HABP2: variants seen among roughly 807,000 people sequenced by gnomAD.
HABP2 encodes factor VII-activating protease.
Under a neutral mutation model 66.5 loss-of-function variants are expected in HABP2, and 65 were observed. The observed-to-expected ratio is 0.98, with a 90% CI of 0.80 to 1.20. The LOEUF (loss-of-function observed/expected upper bound fraction) is 1.20. HABP2 is among the 50% of genes most tolerant of loss of function. The pLI is 0.00. For missense variants in HABP2, 786 were observed against 691.0 expected, an observed-to-expected ratio of 1.14 and a Z score of -1.54; for synonymous variants, 263 against 253.9, an observed-to-expected ratio of 1.04 and a Z score of -0.34.
rs530176188 is a variant in HABP2 at position 113,588,374 on chromosome 10, C to A, written c.*5C>A. On this transcript the variant is annotated 3_prime_UTR_variant, in exon 13 of 13. Coordinates refer to ENST00000351270, the MANE Select transcript of HABP2 (RefSeq NM_004132.5). ...AAAAGTGAAAGTGGCTTCTAAGGTA[C>A]TGTCTTCTGGACCTCAGAGCCCACT... 1 of 1,608,384 alleles carries A rather than the reference C, an allele frequency of 6.2e-7. No homozygotes were observed. The highest frequency in any genetic ancestry group is 1.1e-5 in the South Asian group (1 of 89,904).
At chr10:113,561,147 G>A (rs1490469837) in intron 1 of HABP2, among the ~76,000 whole-genome samples, 1 of 152,204 alleles carries the variant, frequency 6.6e-6, no homozygotes, top group Non-Finnish European at 1.5e-5. Flanking sequence ...AGAGAGAGAA[G>A]GAGCCCGTGT....
intron 1 of HABP2, among the ~76,000 whole-genome samples, chr10:113,557,109 A>G (rs1845011709): frequency 6.6e-6 from 1 of 152,182 alleles, no homozygotes; most frequent in South Asian, 2.1e-4. Flanking sequence ...TAATTCAAGC[A>G]TCCACACCTG....
Position 113,578,775 on chromosome 10 carries a change from G to T in HABP2, c.717G>T (p.Gly239=), listed in dbSNP as rs772317550. The change falls in exon 7 of 13, where the codon GGG becomes GGT. Residue 239 remains glycine (G), a synonymous_variant. Transcript: ENST00000351270. The stretch of plus-strand genomic sequence containing the variant: ...TTATGGAGGATGCTGAAACCCATGG[G>T]ATTGGGGAACACAATTTCTGCAGGT... ...NMFMEDAETH[G]IGEHNFCRNP... is the part of the protein sequence containing the mutation. 1.2e-6 allele frequency: 2 copies of T among 1,611,570 alleles called. No individual in the cohort carries two copies. Among genetic ancestry groups the T allele is most frequent in the Admixed American group, 1.7e-5 (1 of 59,926 alleles).
chr10:113,561,149 A>G (rs1845093247), intron 1 of HABP2, among the ~76,000 whole-genome samples: 1 of 152,148 alleles, frequency 6.6e-6, no homozygotes. Context: ...AGAGAGAAGG[A>G]GCCCGTGTCT....
At chr10:113,563,367 T>C (rs954199918) in intron 1 of HABP2, among the ~76,000 whole-genome samples, 2 of 152,176 alleles carry the variant, frequency 1.3e-5, no homozygotes, top group African/African-American at 4.8e-5. Context: ...GCATAAGTAA[T>C]TGACTATCAG....
chr10:113,574,434 T>G, intron 3 of HABP2, 29 bp downstream of exon 3: 1 of 1,116,578 alleles, frequency 9.0e-7, no homozygotes, highest in Non-Finnish European at 1.4e-6. Flanking sequence ...TCAGGGACTC[T>G]CCTGGGAGAA....
In HABP2 at chr10:113,588,453, G is replaced by T; in HGVS notation, c.*84G>T. 9.8e-7 allele frequency: 1 copy of T among 1,018,524 alleles called. No homozygotes were observed. The highest frequency in any genetic ancestry group is 1.4e-6 in the Non-Finnish European group (1 of 690,514). 63.1% of individuals were successfully genotyped at this position (1,018,524 alleles called of 1,614,324 possible). ...TCATGGCCAACAATGGACACCTCCA[G>T]AGCCTCCAGGGGACCACACAGTAGA... On this transcript the variant is annotated 3_prime_UTR_variant, in exon 13 of 13. Coordinates refer to ENST00000351270, the MANE Select transcript of HABP2 (RefSeq NM_004132.5).
intron 2 of HABP2, among the ~76,000 whole-genome samples, chr10:113,568,334 AAC>A (rs773219889): frequency 8.5e-5 from 13 of 152,248 alleles, no homozygotes; most frequent in Non-Finnish European, 1.6e-4. Flanking sequence ...CCAGGCAGAC[AAC>A]ACATGGAGAC....
chr10:113,586,326 A>C (rs1451208409), intron 12 of HABP2, among the ~76,000 whole-genome samples: 5 of 152,134 alleles, frequency 3.3e-5, no homozygotes, highest in African/African-American at 4.8e-5. Context: ...TTGTGGCCTC[A>C]GTGTAGGGCA....
upstream of HABP2, among the ~76,000 whole-genome samples, chr10:113,552,054 G>A (rs2133732607): frequency 6.6e-6 from 1 of 152,254 alleles, no homozygotes; most frequent in Admixed American, 6.5e-5. Flanking sequence ...CATTCTTTTG[G>A]GCTGGGATCT....
At chr10:113,566,119 C>T (rs1224015551) in intron 1 of HABP2, among the ~76,000 whole-genome samples, 1 of 152,204 alleles carries the variant, frequency 6.6e-6, no homozygotes, top group Non-Finnish European at 1.5e-5. Context: ...ACCAAACTGC[C>T]TAGCTTGATG....
At position 113,581,879 on chromosome 10, in the gene HABP2, T is replaced by C; in HGVS notation, c.842T>C (p.Val281Ala). The change falls in exon 9 of 13, where the codon GTT (valine) becomes GCT (alanine). Residue 281 changes from valine (V) to alanine (A), a missense_variant. Transcript: ENST00000351270. ...CDVSACSAQD[V>A]AYPEESPTEP... ...TTATCTTTCTTGTGTCCCACAGACG[T>C]TGCCTACCCAGAGGAAAGCCCCACT... The C allele has an allele frequency of 1.2e-6, 2 of 1,614,068 alleles. No homozygotes were observed. Among genetic ancestry groups the C allele is most frequent in the Middle Eastern group, 1.6e-4 (1 of 6,062 alleles).
chr10:113,589,233 G>C lies in HABP2; in HGVS notation c.*864G>C, dbSNP rs1449154983. 1.6e-6 allele frequency: 1 copy of C among 615,946 alleles called. No individual in the cohort carries two copies. The highest frequency in any genetic ancestry group is 2.8e-6 in the Non-Finnish European group (1 of 356,554). 38.2% of individuals were successfully genotyped at this position (615,946 alleles called of 1,614,324 possible). ...CCTCTTCTACCCTCCCCAAGAAAAA[G>C]GGCCTTCAAGGCAGGAATGAGAAAG... On this transcript the variant is annotated 3_prime_UTR_variant, in exon 13 of 13. Transcript: ENST00000351270.
At position 113,589,127 on chromosome 10, in the gene HABP2, C is replaced by T. The variant is rs965534780; in HGVS notation, c.*758C>T. 1 of 1,502,156 alleles carries T rather than the reference C, an allele frequency of 6.7e-7. No homozygotes were observed. Among genetic ancestry groups the T allele is most frequent in the Non-Finnish European group, 9.2e-7 (1 of 1,082,804 alleles). The allele number at this position is 1,502,156 out of a possible 1,614,324, so 93.1% of individuals were successfully genotyped here. A position where few individuals can be genotyped will look rare whatever the true frequency, so the allele number is the denominator to read the frequency against. On this transcript the variant is annotated 3_prime_UTR_variant, in exon 13 of 13. Coordinates refer to ENST00000351270, the MANE Select transcript of HABP2 (RefSeq NM_004132.5). ...AAGTTAAAATGAAGCTCCCCCACCCCCACTCCCGGCCCCGGTTCCCACAGG... is the reference window on the plus strand; with the variant it reads ...AAGTTAAAATGAAGCTCCCCCACCCTCACTCCCGGCCCCGGTTCCCACAGG...
rs1315458810 is a variant in HABP2, at chr10:113,582,136, G to T, written c.1094+5G>T. 1 of 1,598,694 alleles carries T rather than the reference G, an allele frequency of 6.3e-7. No individual in the cohort carries two copies. The highest frequency in any genetic ancestry group is 8.5e-7 in the Non-Finnish European group (1 of 1,178,138). On this transcript the variant is annotated splice_donor_5th_base_variant and intron_variant, in intron 9 of 12. Coordinates refer to ENST00000351270, the MANE Select transcript of HABP2 (RefSeq NM_004132.5). ...CACTGCTGCCCACTGCACCGAGTAG[G>T]TGCCGCTGGGAGCAGGGACCAGGGT... is the stretch of plus-strand genomic sequence containing the variant.
chr10:113,584,983 T>C (rs542896632), intron 11 of HABP2, among the ~76,000 whole-genome samples: 1 of 152,366 alleles, frequency 6.6e-6, no homozygotes, highest in African/African-American at 2.4e-5. Flanking sequence ...CTTTTCCAAA[T>C]ACTCAAAATA....
At chr10:113,566,807 C>T (rs540743689) in intron 1 of HABP2, among the ~76,000 whole-genome samples, 1 of 152,134 alleles carries the variant, frequency 6.6e-6, no homozygotes, top group Admixed American at 6.5e-5. Flanking sequence ...TTGCCAAGGC[C>T]CTGAGGTGGG....
intron 1 of HABP2, among the ~76,000 whole-genome samples, chr10:113,560,463 G>T (rs969485477): frequency 6.6e-6 from 1 of 152,202 alleles, no homozygotes; most frequent in Non-Finnish European, 1.5e-5. Flanking sequence ...CAGTATGGCG[G>T]TCCCTGACAA....
At chr10:113,559,096 C>A (rs1485919529) in intron 1 of HABP2, among the ~76,000 whole-genome samples, 1 of 152,186 alleles carries the variant, frequency 6.6e-6, no homozygotes, top group Non-Finnish European at 1.5e-5. Flanking sequence ...CTTAAGTGAT[C>A]CACCCGCCCT....
Sources: allele counts gnomAD v4.1 joint callset (sites outside exome capture counted in the v4.1 genomes callset), GRCh38; gene constraint gnomAD v4.1.1; transcripts MANE v1.5; gene names NCBI Gene and HGNC (gene_info 2026-07-23, HGNC 2026-07-21).